RANBP2: variants seen among roughly 807,000 people sequenced by gnomAD.
The protein encoded by RANBP2 is E3 SUMO-protein ligase RanBP2.
A neutral mutation model predicts 303.6 loss-of-function variants in RANBP2; 57 were observed. That is an observed-to-expected ratio of 0.19 (90% CI 0.15 to 0.23). The LOEUF (loss-of-function observed/expected upper bound fraction) is 0.23. Among genes scored for constraint, RANBP2 ranks in the 10% least tolerant of loss-of-function variants. RANBP2 has a pLI of 1.00. For missense variants in RANBP2, 3,138 were observed against 3,780.8 expected (o/e 0.83, Z 4.46); for synonymous variants, 1,167 against 1,301.5 (o/e 0.90, Z 2.23).
At chr2:109,211,789 G>A in the RANBP2 span, among the ~76,000 whole-genome samples, 1 of 152,166 alleles carries the variant, frequency 6.6e-6, no homozygotes, top group Admixed American at 6.5e-5. Flanking sequence ...GGGATTACAG[G>A]CATTCACCAT....
At chr2:108,727,508 G>A (rs991313199) in intron 1 of RANBP2, among the ~76,000 whole-genome samples, 1 of 151,822 alleles carries the variant, frequency 6.6e-6, no homozygotes. Flanking sequence ...CATCGTTTTG[G>A]ACATTCACTG....
chr2:109,104,767 G>C, the RANBP2 span, among the ~76,000 whole-genome samples: 3 of 152,218 alleles, frequency 2.0e-5, no homozygotes, highest in Non-Finnish European at 1.5e-5. Flanking sequence ...ACAGGCGTGA[G>C]CTACCGTGCC....
At chr2:108,923,302 C>A in the RANBP2 span, 2 of 1,490,886 alleles carry the variant, frequency 1.3e-6, no homozygotes, top group African/African-American at 1.4e-5. Flanking sequence ...CTTTCCTACA[C>A]CCTCTGTAGT....
the RANBP2 span, among the ~76,000 whole-genome samples, chr2:109,427,793 A>G: frequency 1.3e-5 from 2 of 152,236 alleles, no homozygotes; most frequent in African/African-American, 4.8e-5. Context: ...CCCCAGGGAG[A>G]ACCGAGCAGT....
the RANBP2 span, among the ~76,000 whole-genome samples, chr2:108,989,713 C>A: frequency 6.6e-6 from 1 of 152,184 alleles, no homozygotes; most frequent in African/African-American, 2.4e-5. Context: ...ACCATACACA[C>A]CCCCCGTATA....
chr2:109,715,003 C>T, the RANBP2 span, among the ~76,000 whole-genome samples: 2 of 133,230 alleles, frequency 1.5e-5, no homozygotes, highest in Non-Finnish European at 3.2e-5. Flanking sequence ...GAGTTTCGCT[C>T]TTGTTGCCCA....
At chr2:109,547,584 C>T in the RANBP2 span, among the ~76,000 whole-genome samples, 1 of 152,198 alleles carries the variant, frequency 6.6e-6, no homozygotes, top group African/African-American at 2.4e-5. Context: ...ATAAAGGGAG[C>T]AATGTCACCT....
Position 108,764,574 on chromosome 2 carries a change from A to C in RANBP2, c.4035A>C (p.Glu1345Asp), listed in dbSNP as rs779012220. ...CKSDAGNLNF[E>D]FQVAKKEGSW... The stretch of plus-strand genomic sequence containing the variant: ...CTGATGCTGGAAACCTGAATTTTGA[A>C]TTTCAGGTTGCAAAGAAAGAAGGGT... The change falls in exon 20 of 29, where the codon GAA becomes GAC. Residue 1345 changes from glutamate to aspartate, a missense_variant. Physicochemically the swap from Glu to Asp is conservative, Grantham distance 45. Coordinates refer to ENST00000283195, the MANE Select transcript of RANBP2 (RefSeq NM_006267.5). 6.2e-7 allele frequency: 1 copy of C among 1,613,934 alleles called. No homozygotes were observed. Among genetic ancestry groups the C allele is most frequent in the African/African-American group, 1.3e-5 (1 of 74,908 alleles).
the RANBP2 span, among the ~76,000 whole-genome samples, chr2:109,142,201 C>T: frequency 2.0e-4 from 30 of 152,276 alleles, no homozygotes; most frequent in African/African-American, 7.0e-4. Flanking sequence ...CGGACTCTTG[C>T]GCCTTTGTGA....
the RANBP2 span, among the ~76,000 whole-genome samples, chr2:109,479,534 G>A: frequency 2.0e-5 from 3 of 152,054 alleles, no homozygotes; most frequent in Admixed American, 6.6e-5. Context: ...GGGGTGTCGG[G>A]ATGTCCAGCT....
At chr2:109,126,232 G>T in the RANBP2 span, among the ~76,000 whole-genome samples, 1 of 152,192 alleles carries the variant, frequency 6.6e-6, no homozygotes, top group Non-Finnish European at 1.5e-5. Context: ...TGTGTCCTGT[G>T]GGTGCTGGTT....
chr2:109,725,980 G>A, the RANBP2 span, among the ~76,000 whole-genome samples: 1 of 151,756 alleles, frequency 6.6e-6, no homozygotes, highest in Non-Finnish European at 1.5e-5. Context: ...TGATCCACCC[G>A]CCTTGGCCTC....
chr2:109,553,149 T>C, the RANBP2 span: 1 of 1,614,134 alleles, frequency 6.2e-7, no homozygotes, highest in Non-Finnish European at 8.5e-7. Flanking sequence ...AACATCTGTT[T>C]CATTTCTTCT....
At chr2:109,567,415 T>C in the RANBP2 span, among the ~76,000 whole-genome samples, 1 of 152,192 alleles carries the variant, frequency 6.6e-6, no homozygotes, top group African/African-American at 2.4e-5. Flanking sequence ...GGAGCATAAA[T>C]ACTAGTTTTA....
At chr2:109,585,784 A>C in the RANBP2 span, 2 of 1,613,980 alleles carry the variant, frequency 1.2e-6, no homozygotes, top group Non-Finnish European at 1.7e-6. Flanking sequence ...TGATCAGGCA[A>C]ACTCTCAAAA....
chr2:108,771,945 T>C, intron 21 of RANBP2, 74 bp downstream of exon 21: 1 of 1,570,190 alleles, frequency 6.4e-7, no homozygotes, highest in Non-Finnish European at 8.8e-7. Context: ...GTTTAATTAT[T>C]TTAAGCCTGC....
the RANBP2 span, among the ~76,000 whole-genome samples, chr2:109,654,090 A>T: frequency 6.6e-6 from 1 of 152,160 alleles, no homozygotes; most frequent in Non-Finnish European, 1.5e-5. Context: ...GTGTCCTCAG[A>T]CAGTGTGGGA....
chr2:109,634,129 A>G, the RANBP2 span, among the ~76,000 whole-genome samples: 3 of 149,936 alleles, frequency 2.0e-5, no homozygotes, highest in African/African-American at 7.3e-5. Context: ...CAAAAAAAAA[A>G]AAAAAAAAAA....
the RANBP2 span, among the ~76,000 whole-genome samples, chr2:109,036,671 C>T: frequency 6.6e-5 from 10 of 152,058 alleles, no homozygotes. Flanking sequence ...CTAGGAATGG[C>T]GGGGAGTGGT....
Sources: allele counts gnomAD v4.1 joint callset (sites outside exome capture counted in the v4.1 genomes callset), GRCh38; gene constraint gnomAD v4.1.1; transcripts MANE v1.5; gene names NCBI Gene and HGNC (gene_info 2026-07-23, HGNC 2026-07-21).